The following STUM variants were observed in gnomAD, a reference collection of about 807,000 sequenced individuals.
STUM encodes stum, mechanosensory transduction mediator homolog, also known as protein stum homolog.
A neutral mutation model predicts 15.3 loss-of-function variants in STUM; 8 were observed. The observed-to-expected ratio is 0.52, with a 90% CI of 0.31 to 0.94. The LOEUF is 0.94. STUM is among the 40% of genes least tolerant of loss of function. The pLI is 0.05. For synonymous variants in STUM, 78 were observed against 88.7 expected, an observed-to-expected ratio of 0.88 and a Z score of 0.68; for missense variants, 142 against 204.9, an observed-to-expected ratio of 0.69 and a Z score of 1.87.
chr1:226,597,832 A>T (rs1186804281), intron 2 of STUM, among the ~76,000 whole-genome samples: 1 of 152,134 alleles, frequency 6.6e-6, no homozygotes, highest in Admixed American at 6.5e-5. Flanking sequence ...AGATCACAGG[A>T]GGAAGTGGGT....
intron 1 of STUM, among the ~76,000 whole-genome samples, chr1:226,550,711 AC>A (rs1485355899): frequency 2.6e-5 from 4 of 151,780 alleles, no homozygotes; most frequent in Non-Finnish European, 4.4e-5. Context: ...CGAGGAAACC[AC>A]CTTGTGGGAG....
chr1:226,602,162 G>C lies in STUM; in HGVS notation c.*122G>C, dbSNP rs563856260. 4.3e-6 allele frequency: 3 copies of C among 698,282 alleles called. No individual in the cohort carries two copies. Among genetic ancestry groups the C allele is most frequent in the South Asian group, 1.7e-5 (1 of 58,440 alleles). The allele number at this position is 698,282 out of a possible 1,614,324, so 43.3% of individuals were successfully genotyped here. ...TTTCTGGACTGGGGGTGGAAAGGGGGTATTTTTAAAAATATTATTTATTTT... is the reference window on the plus strand; with the variant it reads ...TTTCTGGACTGGGGGTGGAAAGGGGCTATTTTTAAAAATATTATTTATTTT... On this transcript the variant is annotated 3_prime_UTR_variant, in exon 4 of 4. Transcript: ENST00000366788.
Position 226,548,936 on chromosome 1 carries a change from C to CGGCGGCGGCGGCGGCGGT in STUM, c.44_61dup (p.Ala15_Ala20dup). ...CCCTCGCACAAAGACGCCGAGACGGCGGCGGCGGCGGCGGCGGTGGCGGCG... is the reference window on the plus strand; with the variant it reads ...CCCTCGCACAAAGACGCCGAGACGGCGGCGGCGGCGGCGGCGGTGGCGGCGGCGGCGGCGGTGGCGGCG... On this transcript the variant is annotated inframe_insertion, in exon 1 of 4. Coordinates refer to ENST00000366788, the MANE Select transcript of STUM (RefSeq NM_001003665.4). 1.4e-6 allele frequency: 2 copies of CGGCGGCGGCGGCGGCGGT among 1,445,750 alleles called. No homozygotes were observed. Among genetic ancestry groups the CGGCGGCGGCGGCGGCGGT allele is most frequent in the Non-Finnish European group, 1.8e-6 (2 of 1,104,932 alleles). 89.6% of individuals were successfully genotyped at this position (1,445,750 alleles called of 1,614,324 possible). A position where few individuals can be genotyped will look rare whatever the true frequency, so the allele number is the denominator to read the frequency against.
intron 1 of STUM, among the ~76,000 whole-genome samples, chr1:226,592,319 G>T (rs573423189): frequency 5.1e-4 from 77 of 152,346 alleles, no homozygotes; most frequent in Admixed American, 1.8e-3. Context: ...TGAGTGCTGG[G>T]ATTACAGGCG....
Position 226,588,950 on chromosome 1 carries a change from C to T in STUM, c.203-7852C>T, listed in dbSNP as rs75914296. The stretch of plus-strand genomic sequence containing the variant: ...AAAAAAGGCCTTCCTCAACCAACTC[C>T]TCCGGAGAAGTGAGGGAGGGTGTCC... On this transcript the variant is annotated intron_variant, in intron 1 of 3. Transcript: ENST00000366788. 2.2e-3 allele frequency among the ~76,000 whole-genome samples: 341 copies of T among 152,348 alleles called. 14 individuals are homozygous for T. The East Asian group carries it at 0.059, about 26-fold the overall frequency.
intron 2 of STUM, chr1:226,597,558 G>A (rs780672777): frequency 7.0e-5 from 31 of 445,688 alleles, no homozygotes; most frequent in Admixed American, 4.5e-4. Context: ...GAGGTAAGCT[G>A]AGCCAGGTAA....
At chr1:226,566,479 T>C (rs1571798170) in intron 1 of STUM, among the ~76,000 whole-genome samples, 1 of 152,124 alleles carries the variant, frequency 6.6e-6, no homozygotes, top group Non-Finnish European at 1.5e-5. Context: ...GAGTTAAAAA[T>C]GGAATAGTCT....
intron 1 of STUM, among the ~76,000 whole-genome samples, chr1:226,590,286 CT>C (rs1668065989): frequency 6.6e-6 from 1 of 152,192 alleles, no homozygotes; most frequent in South Asian, 2.1e-4. Context: ...TCCAAGCCCC[CT>C]GACCTCCTGC....
rs1483258418 is a variant in STUM, at chr1:226,570,589, C to T, written c.202+21483C>T. Among the ~76,000 whole-genome samples, 3 of 152,208 alleles carry T rather than the reference C, an allele frequency of 2.0e-5. No individual in the cohort carries two copies. In the East Asian group the frequency reaches 5.8e-4, roughly 29 times the overall value. ...GGCCAAGCCACCTCCCTCCACCTGG[C>T]TTCCTTCTGGCCAGAGCAGGCTTTT... On this transcript the variant is annotated intron_variant, in intron 1 of 3. Coordinates refer to ENST00000366788, the MANE Select transcript of STUM (RefSeq NM_001003665.4).
intron 3 of STUM, among the ~76,000 whole-genome samples, chr1:226,601,779 C>T (rs1422002800): frequency 6.6e-6 from 1 of 152,192 alleles, no homozygotes; most frequent in East Asian, 1.9e-4. Context: ...AATGCCCGCC[C>T]GTCATACATT....
In STUM at chr1:226,603,470, A is replaced by C. The variant is rs1193259880; in HGVS notation, c.*1430A>C. On this transcript the variant is annotated 3_prime_UTR_variant, in exon 4 of 4. Coordinates refer to ENST00000366788, the MANE Select transcript of STUM (RefSeq NM_001003665.4). ...TCATTCTAACATAGGAAATGCTAAC[A>C]GATGGGGCTGGCCCAAAGTCAAGCT... 6.6e-6 allele frequency: 1 copy of C among 152,268 alleles called. No homozygotes were observed. The highest frequency in any genetic ancestry group is 2.4e-5 in the African/African-American group (1 of 41,466). 9.4% of individuals were successfully genotyped at this position (152,268 alleles called of 1,614,324 possible).
Position 226,602,962 on chromosome 1 carries a change from G to C in STUM, c.*922G>C, listed in dbSNP as rs948326950. 3.4e-4 allele frequency: 51 copies of C among 152,216 alleles called. 1 individual carries two copies. The highest frequency in any genetic ancestry group is 3.3e-3 in the Admixed American group (51 of 15,282). 9.4% of individuals were successfully genotyped at this position (152,216 alleles called of 1,614,324 possible). ...ACACTTTCTAACTTCCCGGCAGAGT[G>C]TGGAACATCTCGCCTACCATCAGGC... On this transcript the variant is annotated 3_prime_UTR_variant, in exon 4 of 4. Coordinates refer to ENST00000366788, the MANE Select transcript of STUM (RefSeq NM_001003665.4).
intron 1 of STUM, among the ~76,000 whole-genome samples, chr1:226,553,200 G>C (rs1169851408): frequency 1.3e-5 from 2 of 152,220 alleles, no homozygotes; most frequent in African/African-American, 4.8e-5. Context: ...TTGTTCAACA[G>C]AATGAGAGAG....
chr1:226,564,447 G>T (rs547103477), intron 1 of STUM, among the ~76,000 whole-genome samples: 1 of 152,212 alleles, frequency 6.6e-6, no homozygotes, highest in African/African-American at 2.4e-5. Flanking sequence ...CATGGGAGCG[G>T]ACTGCCACCA....
At chr1:226,594,736 C>A (rs1668148833) in intron 1 of STUM, among the ~76,000 whole-genome samples, 2 of 152,166 alleles carry the variant, frequency 1.3e-5, no homozygotes, top group Non-Finnish European at 2.9e-5. Flanking sequence ...CTCACTGCAA[C>A]CTCTGCCTCT....
chr1:226,563,866 C>T (rs959292450), intron 1 of STUM, among the ~76,000 whole-genome samples: 3 of 152,194 alleles, frequency 2.0e-5, no homozygotes, highest in African/African-American at 7.2e-5. Flanking sequence ...TGCCCTGTGG[C>T]CTGACTCAGA....
At chr1:226,579,289 G>T (rs1346222709) in intron 1 of STUM, among the ~76,000 whole-genome samples, 1 of 152,220 alleles carries the variant, frequency 6.6e-6, no homozygotes, top group Non-Finnish European at 1.5e-5. Flanking sequence ...GAAGGATGGG[G>T]CATGGGGATG....
At chr1:226,550,423 G>A (rs1286527903) in intron 1 of STUM, among the ~76,000 whole-genome samples, 1 of 152,094 alleles carries the variant, frequency 6.6e-6, no homozygotes, top group East Asian at 1.9e-4. Flanking sequence ...CTGTCCCCCT[G>A]GCTGGTGTCA....
At chr1:226,584,970 T>C (rs925655919) in intron 1 of STUM, among the ~76,000 whole-genome samples, 1 of 152,228 alleles carries the variant, frequency 6.6e-6, no homozygotes, top group Non-Finnish European at 1.5e-5. Context: ...CCAGTCTTTG[T>C]CCACATAAAT....
Sources: allele counts gnomAD v4.1 joint callset (sites outside exome capture counted in the v4.1 genomes callset), GRCh38; gene constraint gnomAD v4.1.1; transcripts MANE v1.5; gene names NCBI Gene and HGNC (gene_info 2026-07-23, HGNC 2026-07-21).